The following IL18BP variants were observed in gnomAD, a reference collection of about 807,000 sequenced individuals.
IL18BP encodes interleukin 18 binding protein.
A neutral mutation model predicts 19.9 loss-of-function variants in IL18BP; 23 were observed. The ratio of observed to expected loss-of-function variants is 1.15; its 90% confidence interval spans 0.83 to 1.64. IL18BP has a LOEUF of 1.64. IL18BP is among the 40% of genes most tolerant of loss of function. The pLI is 0.00. For synonymous variants in IL18BP, 107 were observed against 101.0 expected (o/e 1.06, Z -0.35); for missense variants, 239 against 240.7 (o/e 0.99, Z 0.05).
chr11:71,999,180 G>A (rs755505878), intron 1 of IL18BP, 161 bp downstream of exon 1: 1 of 516,174 alleles, frequency 1.9e-6, no homozygotes, highest in Non-Finnish European at 3.9e-6. Flanking sequence ...GATGTGGACG[G>A]ACTGGTATGG....
At chr11:72,004,961 T>G, downstream of IL18BP, 1 of 871,976 alleles carries the variant, frequency 1.1e-6, no homozygotes. Context: ...CAAGGCCTCC[T>G]TTCCTGTTCT....
downstream of IL18BP, chr11:72,004,631 C>T (rs76969498): frequency 8.7e-4 from 1,395 of 1,610,338 alleles, 12 homozygotes; most frequent in African/African-American, 0.016. Flanking sequence ...CAGGAGCCAC[C>T]GCGCCTACCT....
downstream of IL18BP, chr11:72,004,341 A>T: frequency 6.2e-7 from 1 of 1,611,156 alleles, no homozygotes; most frequent in Non-Finnish European, 8.5e-7. Flanking sequence ...GCCTTCTTAG[A>T]CTATGGAGAA....
downstream of IL18BP, among the ~76,000 whole-genome samples, chr11:72,006,878 G>A (rs1489946696): frequency 2.0e-5 from 3 of 152,202 alleles, no homozygotes; most frequent in Non-Finnish European, 4.4e-5. Flanking sequence ...AGCTGCATGG[G>A]GCATGCTGGG....
At chr11:71,999,540 G>T (rs189643050) in intron 1 of IL18BP, 16 of 213,670 alleles carry the variant, frequency 7.5e-5, no homozygotes, top group East Asian at 4.9e-4. Flanking sequence ...AGATTCCCTG[G>T]TTAAAAAGTG....
At chr11:72,007,043 G>T, downstream of IL18BP, 1 of 925,176 alleles carries the variant, frequency 1.1e-6, no homozygotes, top group Non-Finnish European at 1.6e-6. Flanking sequence ...CCAAGTCACT[G>T]CCCTTTTTAA....
At chr11:72,001,739 C>T in intron 5 of IL18BP, 45 bp from the exon 6 acceptor site, 1 of 1,613,612 alleles carries the variant, frequency 6.2e-7, no homozygotes, top group South Asian at 1.1e-5. Context: ...GATGAGATGT[C>T]CCTCCTTTCC....
At chr11:72,005,084 G>C (rs1046013192), downstream of IL18BP, 1 of 973,882 alleles carries the variant, frequency 1.0e-6, no homozygotes, top group Non-Finnish European at 1.5e-6. Flanking sequence ...CCTCCCAGCT[G>C]TCTGTTCCAC....
Position 72,001,432 on chromosome 11 carries a change from G to T in IL18BP, c.387G>T (p.Gln129His). The change falls in exon 5 of 6, where the codon CAG becomes CAT. Residue 129 changes from glutamine to histidine, a missense_variant. By Grantham distance (24) the Gln-to-His change is conservative. Coordinates refer to ENST00000393703, the MANE Select transcript of IL18BP (RefSeq NM_001039660.2). Reference protein sequence around the residue: ...TSRERGSTGTQLCKALVLEQL... With the variant: ...TSRERGSTGTHLCKALVLEQL... Reference sequence around the variant, plus strand: ...GGGAACGTGGGAGCACAGGTACGCAGCTGTGCAAGGCCTTGGTGCTGGAGC... The same window carrying T: ...GGGAACGTGGGAGCACAGGTACGCATCTGTGCAAGGCCTTGGTGCTGGAGC... 1.2e-6 allele frequency: 2 copies of T among 1,614,240 alleles called. No individual in the cohort carries two copies. The highest frequency in any genetic ancestry group is 2.7e-5 in the African/African-American group (2 of 75,060).
downstream of IL18BP, chr11:72,003,807 G>T: frequency 1.4e-6 from 2 of 1,457,402 alleles, no homozygotes; most frequent in South Asian, 2.3e-5. Context: ...GCCCCATCTT[G>T]GATGCTACTT....
chr11:72,005,444 G>A, downstream of IL18BP: 1 of 1,431,972 alleles, frequency 7.0e-7, no homozygotes, highest in Non-Finnish European at 9.6e-7. Context: ...CATCTTGCCA[G>A]CCTTTGCTGC....
At chr11:72,008,179 A>T (rs763172865), downstream of IL18BP, 1 of 473,722 alleles carries the variant, frequency 2.1e-6, no homozygotes. Context: ...AGTGTTTAAT[A>T]AAAACATTTT....
At chr11:72,005,316 C>T (rs1298253721), downstream of IL18BP, 1 of 1,608,334 alleles carries the variant, frequency 6.2e-7, no homozygotes, top group African/African-American at 1.3e-5. Context: ...CGGTTCCAGT[C>T]ATCCAGCTGC....
At chr11:72,007,212 T>C, downstream of IL18BP, 1 of 1,610,794 alleles carries the variant, frequency 6.2e-7, no homozygotes, top group Non-Finnish European at 8.5e-7. Context: ...ATGTTGATGA[T>C]CTGCGTGGTG....
downstream of IL18BP, chr11:72,004,907 CA>C: frequency 7.8e-7 from 1 of 1,281,502 alleles, no homozygotes; most frequent in Non-Finnish European, 1.1e-6. Flanking sequence ...ACTCGCCCGA[CA>C]CTTATGGTCG....
At chr11:72,005,408 G>A (rs751029537), downstream of IL18BP, 2 of 1,591,012 alleles carry the variant, frequency 1.3e-6, no homozygotes, top group East Asian at 2.3e-5. Context: ...TGAGCCTGGA[G>A]TCGGCAGGTC....
chr11:71,999,599 G>A, intron 1 of IL18BP: 1 of 244,094 alleles, frequency 4.1e-6, no homozygotes, highest in Non-Finnish European at 8.1e-6. Flanking sequence ...GGATTGCTCG[G>A]CATCCTGCCC....
At chr11:72,004,833 G>C (rs1030238463), downstream of IL18BP, 4 of 1,551,594 alleles carry the variant, frequency 2.6e-6, no homozygotes, top group Non-Finnish European at 2.6e-6. Context: ...GGGTGGAAGA[G>C]GTGGTCAGTG....
In IL18BP at chr11:72,001,187, GCCTGT is replaced by G; in HGVS notation, c.236-13_236-9del. ...CTGCTCTTCTGAAGAGCTAACTGCTGCCTGTGTCCCTAGATGGAACGCTGAGCTTA... is the reference window on the plus strand; with the variant it reads ...CTGCTCTTCTGAAGAGCTAACTGCTGGTCCCTAGATGGAACGCTGAGCTTA... On this transcript the variant is annotated splice_polypyrimidine_tract_variant and intron_variant, in intron 3 of 5. Coordinates refer to ENST00000393703, the MANE Select transcript of IL18BP (RefSeq NM_001039660.2). The G allele has an allele frequency of 1.2e-6, 2 of 1,613,978 alleles. No individual in the cohort carries two copies. Among genetic ancestry groups the G allele is most frequent in the Non-Finnish European group, 1.7e-6 (2 of 1,179,938 alleles).
Sources: allele counts gnomAD v4.1 joint callset (sites outside exome capture counted in the v4.1 genomes callset), GRCh38; gene constraint gnomAD v4.1.1; transcripts MANE v1.5; gene names NCBI Gene and HGNC (gene_info 2026-07-23, HGNC 2026-07-21).